SH3GL2: variants seen among roughly 807,000 people sequenced by gnomAD.
SH3GL2 encodes the protein endophilin-A1.
SH3GL2 carries 24 observed loss-of-function variants against 46.0 expected under a neutral mutation model. The ratio of observed to expected loss-of-function variants is 0.52; its 90% CI spans 0.38 to 0.73. The LOEUF (loss-of-function observed/expected upper bound fraction) is 0.73, where lower values mean the gene tolerates loss of function less well. SH3GL2 is among the 30% of genes least tolerant of loss of function. The pLI is 0.00. For synonymous variants in SH3GL2, 196 were observed against 147.1 expected (o/e 1.33, Z -2.40); for missense variants, 413 against 424.2 (o/e 0.97, Z 0.23).
intron 5 of SH3GL2, 60 bp from the exon 6 acceptor site, chr9:17,789,332 C>A: frequency 7.1e-7 from 1 of 1,402,634 alleles, no homozygotes; most frequent in South Asian, 1.2e-5. Context: ...GAGAAGTGAG[C>A]TCAAATAAGC....
chr9:17,664,560 A>G (rs1312685173), intron 1 of SH3GL2, among the ~76,000 whole-genome samples: 6 of 152,128 alleles, frequency 3.9e-5, no homozygotes, highest in East Asian at 1.9e-4. Context: ...AGTGCATTAC[A>G]TATTAAGAAA....
intron 3 of SH3GL2, among the ~76,000 whole-genome samples, chr9:17,778,320 C>T (rs62550981): frequency 0.097 from 14,686 of 152,186 alleles, 907 homozygotes; most frequent in Admixed American, 0.15. Flanking sequence ...AAGCCCCTGC[C>T]CTCATGGAGC....
intron 3 of SH3GL2, among the ~76,000 whole-genome samples, chr9:17,782,462 C>T (rs1823837428): frequency 6.6e-6 from 1 of 152,216 alleles, no homozygotes; most frequent in Admixed American, 6.5e-5. Flanking sequence ...AGCTTTTTAG[C>T]CTACCTGAGA....
At chr9:17,686,732 T>C (rs1226832113) in intron 1 of SH3GL2, among the ~76,000 whole-genome samples, 1 of 137,450 alleles carries the variant, frequency 7.3e-6, no homozygotes, top group Non-Finnish European at 1.5e-5. Flanking sequence ...AGGTGGGAAT[T>C]GAACAGTGAA....
At chr9:17,677,879 G>C (rs1368638882) in intron 1 of SH3GL2, among the ~76,000 whole-genome samples, 1 of 151,846 alleles carries the variant, frequency 6.6e-6, no homozygotes, top group African/African-American at 2.4e-5. Context: ...AAAATGCGGT[G>C]TTTGGTTTTT....
At chr9:17,639,489 T>C (rs927291944) in intron 1 of SH3GL2, among the ~76,000 whole-genome samples, 4 of 152,220 alleles carry the variant, frequency 2.6e-5, no homozygotes, top group African/African-American at 9.6e-5. Flanking sequence ...TACAACTGTA[T>C]ACCCACTGGA....
chr9:17,660,916 C>CT lies in SH3GL2; in HGVS notation c.45+81632dup, dbSNP rs199601272. On this transcript the variant is annotated intron_variant, in intron 1 of 8. Transcript: ENST00000380607. The stretch of plus-strand genomic sequence containing the variant: ...GTGGCTCACGCCTGTAATCCCAGCA[C>CT]TTTGGGAGGCTTAGGTGGGCGGATC... Among the ~76,000 whole-genome samples the CT allele has an allele frequency of 5.5e-3, 834 of 152,254 alleles. 11 individuals carry two copies. Among genetic ancestry groups the CT allele is most frequent in the African/African-American group, 0.019 (794 of 41,548 alleles).
At chr9:17,748,920 G>C (rs1267926060) in intron 2 of SH3GL2, among the ~76,000 whole-genome samples, 1 of 152,112 alleles carries the variant, frequency 6.6e-6, no homozygotes, top group African/African-American at 2.4e-5. Context: ...GGGAACGGTT[G>C]AGTTCCTGAA....
intron 3 of SH3GL2, among the ~76,000 whole-genome samples, chr9:17,764,473 A>G (rs1178103850): frequency 6.6e-6 from 1 of 152,162 alleles, no homozygotes; most frequent in South Asian, 2.1e-4. Context: ...TACTTTGCCC[A>G]CTCAGCCTTT....
intron 1 of SH3GL2, among the ~76,000 whole-genome samples, chr9:17,635,525 A>T (rs1819523521): frequency 6.6e-6 from 1 of 152,186 alleles, no homozygotes; most frequent in Non-Finnish European, 1.5e-5. Context: ...CCTGGGTTTG[A>T]ACTGCTTTAT....
chr9:17,587,023 A>C (rs552463276), intron 1 of SH3GL2, among the ~76,000 whole-genome samples: 224 of 152,248 alleles, frequency 1.5e-3, no homozygotes, highest in African/African-American at 5.3e-3. Flanking sequence ...CCAACATGGC[A>C]AAACCTCGTC....
intron 6 of SH3GL2, 81 bp downstream of exon 6, chr9:17,789,631 G>T: frequency 1.9e-6 from 3 of 1,581,148 alleles, no homozygotes; most frequent in Non-Finnish European, 2.6e-6. Context: ...ACCCTTAAAA[G>T]CATTAATATC....
chr9:17,749,341 C>T (rs1015043328), intron 2 of SH3GL2, among the ~76,000 whole-genome samples: 3 of 152,154 alleles, frequency 2.0e-5, no homozygotes, highest in African/African-American at 2.4e-5. Context: ...CTTCTACTGC[C>T]CATAAAATTG....
intron 1 of SH3GL2, among the ~76,000 whole-genome samples, chr9:17,617,028 C>T (rs1819018997): frequency 6.6e-6 from 1 of 152,158 alleles, no homozygotes; most frequent in Admixed American, 6.5e-5. Context: ...CTTTCCTTGT[C>T]TCTGTGCCTT....
chr9:17,673,338 G>C (rs111320992), intron 1 of SH3GL2, among the ~76,000 whole-genome samples: 6,222 of 139,408 alleles, frequency 0.045, 435 homozygotes, highest in African/African-American at 0.16. Flanking sequence ...TTTTTTTATA[G>C]AGGCGGGGTT....
intron 2 of SH3GL2, among the ~76,000 whole-genome samples, chr9:17,754,124 C>T (rs1336494366): frequency 6.6e-6 from 1 of 152,140 alleles, no homozygotes; most frequent in Non-Finnish European, 1.5e-5. Context: ...ATGACTCCAG[C>T]TTCGTTCTTT....
intron 3 of SH3GL2, 42 bp from the exon 4 acceptor site, chr9:17,786,339 C>A: frequency 6.3e-7 from 1 of 1,580,844 alleles, no homozygotes; most frequent in South Asian, 1.2e-5. Context: ...TCCGCAGTGT[C>A]ACATTGCCTA....
At chr9:17,665,535 T>A (rs1487624060) in intron 1 of SH3GL2, among the ~76,000 whole-genome samples, 2 of 152,146 alleles carry the variant, frequency 1.3e-5, no homozygotes, top group Non-Finnish European at 2.9e-5. Context: ...ACGTTTATTA[T>A]GTCCTCTTGG....
At chr9:17,697,207 G>C (rs1465411645) in intron 1 of SH3GL2, among the ~76,000 whole-genome samples, 2 of 151,862 alleles carry the variant, frequency 1.3e-5, no homozygotes, top group African/African-American at 4.8e-5. Flanking sequence ...TTCAACTTGA[G>C]CATGAGCTCA....
Sources: gnomAD v4.1 joint callset for allele counts (sites outside exome capture counted in the v4.1 genomes callset) on GRCh38, gnomAD v4.1.1 for gene constraint, MANE v1.5 for transcripts, NCBI Gene and HGNC (gene_info 2026-07-23, HGNC 2026-07-21) for gene names.